ZCCHC4: variants seen among roughly 807,000 people sequenced by gnomAD.
ZCCHC4 encodes the protein rRNA N(6)-adenosine-methyltransferase ZCCHC4.
A neutral mutation model predicts 67.7 loss-of-function variants in ZCCHC4; 54 were observed. The observed-to-expected ratio is 0.80, with a 90% CI of 0.64 to 1.00. ZCCHC4 has a LOEUF of 1.00. ZCCHC4 is among the 50% of genes least tolerant of loss of function. The pLI is 0.00. For missense variants in ZCCHC4, 609 were observed against 617.0 expected, an observed-to-expected ratio of 0.99 and a Z score of 0.14; for synonymous variants, 198 against 213.5, an observed-to-expected ratio of 0.93 and a Z score of 0.63.
intron 3 of ZCCHC4, among the ~76,000 whole-genome samples, chr4:25,325,534 G>A (rs1942034450): frequency 6.6e-6 from 1 of 152,080 alleles, no homozygotes; most frequent in African/African-American, 2.4e-5. Flanking sequence ...AAAGTACTGG[G>A]ATTATAGGCG....
Position 25,314,182 on chromosome 4 carries a change from ATATT to A in ZCCHC4, c.246+24_246+27del. On this transcript the variant is annotated intron_variant, in intron 2 of 12. Coordinates refer to ENST00000302874, the MANE Select transcript of ZCCHC4 (RefSeq NM_024936.3). ...ATGAAAAGGTATATCAACTTTTTGG[ATATT>A]TATTTTTTATTTTTGGTATGTGTGA... 6.6e-7 allele frequency: 1 copy of A among 1,517,952 alleles called. No individual in the cohort carries two copies. The allele number at this position is 1,517,952 out of a possible 1,614,324, so 94.0% of individuals were successfully genotyped here. A position where few individuals can be genotyped will look rare whatever the true frequency, so the allele number is the denominator to read the frequency against.
At chr4:25,365,841 T>A (rs1720919245) in intron 12 of ZCCHC4, 3 of 985,410 alleles carry the variant, frequency 3.0e-6, no homozygotes, top group African/African-American at 1.7e-5. Context: ...AGAAAAACAT[T>A]GCTATTTTAA....
chr4:25,356,522 C>T (rs562591150), intron 8 of ZCCHC4, among the ~76,000 whole-genome samples: 2 of 151,890 alleles, frequency 1.3e-5, no homozygotes, highest in Admixed American at 1.3e-4. Flanking sequence ...CACATACATT[C>T]GCTGACTCCT....
chr4:25,319,328 C>T lies in ZCCHC4; in HGVS notation c.329+3928C>T, dbSNP rs1434887279. On this transcript the variant is annotated intron_variant, in intron 3 of 12. Transcript: ENST00000302874. Reference sequence around the variant, plus strand: ...TGAACCTGGGAGGCAGAGCTTGTAGCGAGCCGAGATTGCGCCACTGCACTC... The same window carrying T: ...TGAACCTGGGAGGCAGAGCTTGTAGTGAGCCGAGATTGCGCCACTGCACTC... Among the ~76,000 whole-genome samples the T allele has an allele frequency of 7.3e-5, 11 of 151,282 alleles. No homozygotes were observed. In the East Asian group the frequency reaches 7.8e-4, roughly 11 times the overall value.
chr4:25,361,468 C>T (rs556662589), intron 8 of ZCCHC4, among the ~76,000 whole-genome samples: 9 of 152,358 alleles, frequency 5.9e-5, no homozygotes, highest in Admixed American at 2.0e-4. Context: ...TATATAACCA[C>T]GCCATGTGAG....
rs571572037 is a variant in ZCCHC4 at position 25,361,642 on chromosome 4, T to G, written c.1012-217T>G. Reference sequence around the variant, plus strand: ...GCTCATGCCCAGAGAGAAAAAGCCATGTCGAAACTGTCTATGATCCTTGAG... The same window carrying G: ...GCTCATGCCCAGAGAGAAAAAGCCAGGTCGAAACTGTCTATGATCCTTGAG... On this transcript the variant is annotated intron_variant, in intron 8 of 12. Coordinates refer to ENST00000302874, the MANE Select transcript of ZCCHC4 (RefSeq NM_024936.3). The G allele has an allele frequency of 5.0e-4, 252 of 500,894 alleles. 8 individuals carry two copies. The South Asian group carries it at 7.5e-3, about 15-fold the overall frequency. 31.0% of individuals were successfully genotyped at this position (500,894 alleles called of 1,614,324 possible).
chr4:25,361,784 G>A (rs1352206443), intron 8 of ZCCHC4, 75 bp from the exon 9 acceptor site: 37 of 1,421,428 alleles, frequency 2.6e-5, no homozygotes, highest in Middle Eastern at 1.8e-4. Flanking sequence ...CAGTTTGTTC[G>A]TTTATTGGTT....
At chr4:25,341,396 T>C (rs1303146246) in intron 5 of ZCCHC4, among the ~76,000 whole-genome samples, 2 of 152,030 alleles carry the variant, frequency 1.3e-5, no homozygotes, top group South Asian at 4.1e-4. Flanking sequence ...AATAAGTGAG[T>C]TCTCATTTTA....
intron 11 of ZCCHC4, 91 bp downstream of exon 11, chr4:25,364,596 A>C (rs745488637): frequency 9.6e-6 from 11 of 1,143,884 alleles, no homozygotes; most frequent in African/African-American, 1.6e-5. Flanking sequence ...TTTATAAACG[A>C]AAAAATAATC....
chr4:25,358,829 G>T (rs971970992), intron 8 of ZCCHC4, among the ~76,000 whole-genome samples: 3 of 152,206 alleles, frequency 2.0e-5, no homozygotes, highest in Non-Finnish European at 4.4e-5. Flanking sequence ...CCCTGCTAAC[G>T]CTGTACATAT....
intron 3 of ZCCHC4, among the ~76,000 whole-genome samples, chr4:25,317,722 A>G (rs1718337766): frequency 7.2e-6 from 1 of 139,264 alleles, no homozygotes; most frequent in Non-Finnish European, 1.5e-5. Flanking sequence ...AAAAAAAAAA[A>G]AAAAGAAAGA....
At chr4:25,346,736 A>G (rs1045962878) in intron 6 of ZCCHC4, among the ~76,000 whole-genome samples, 2 of 152,222 alleles carry the variant, frequency 1.3e-5, no homozygotes, top group Non-Finnish European at 2.9e-5. Context: ...AGCAGTTATA[A>G]TTAGATGTAT....
intron 1 of ZCCHC4, among the ~76,000 whole-genome samples, chr4:25,313,745 A>AGTT (rs1473455861): frequency 4.2e-4 from 64 of 152,274 alleles, no homozygotes; most frequent in Non-Finnish European, 4.3e-4. Context: ...ACGCAACTGT[A>AGTT]GTCCCAGCTA....
chr4:25,329,278 A>G (rs1489867941), intron 3 of ZCCHC4, among the ~76,000 whole-genome samples: 2 of 151,938 alleles, frequency 1.3e-5, no homozygotes, highest in African/African-American at 4.8e-5. Context: ...AGCTTCCTGG[A>G]TCTTTTGATG....
chr4:25,318,201 A>C (rs533337139), intron 3 of ZCCHC4, among the ~76,000 whole-genome samples: 1 of 152,172 alleles, frequency 6.6e-6, no homozygotes, highest in East Asian at 1.9e-4. Context: ...TGTCCTTAAC[A>C]CTTTTATCTG....
At chr4:25,358,312 A>G (rs1054056861) in intron 8 of ZCCHC4, among the ~76,000 whole-genome samples, 1 of 152,174 alleles carries the variant, frequency 6.6e-6, no homozygotes, top group African/African-American at 2.4e-5. Context: ...CTTCACAGCA[A>G]CTTTAAGTAC....
chr4:25,365,600 G>A, intron 12 of ZCCHC4: 1 of 986,580 alleles, frequency 1.0e-6, no homozygotes, highest in Non-Finnish European at 1.2e-6. Context: ...TAGGAAAATT[G>A]TGAGAAAGCT....
rs749419607 is a variant in ZCCHC4 at position 25,345,532 on chromosome 4, T to C, written c.687-16T>C. The stretch of plus-strand genomic sequence containing the variant: ...ATAGCTGTGACTGGGCAAATAACTC[T>C]GTAATTATTTTACAGGTATTCACAG... On this transcript the variant is annotated splice_polypyrimidine_tract_variant and intron_variant, in intron 5 of 12. Coordinates refer to ENST00000302874, the MANE Select transcript of ZCCHC4 (RefSeq NM_024936.3). 2.4e-4 allele frequency: 334 copies of C among 1,366,826 alleles called. No homozygotes were observed. Among genetic ancestry groups the C allele is most frequent in the Non-Finnish European group, 3.3e-4 (316 of 961,346 alleles). The allele number at this position is 1,366,826 out of a possible 1,614,324, so 84.7% of individuals were successfully genotyped here. A position where few individuals can be genotyped will look rare whatever the true frequency, so the allele number is the denominator to read the frequency against.
intron 5 of ZCCHC4, among the ~76,000 whole-genome samples, chr4:25,342,816 C>T (rs1719818903): frequency 6.6e-6 from 1 of 152,190 alleles, no homozygotes; most frequent in Non-Finnish European, 1.5e-5. Flanking sequence ...ATTATGCTCT[C>T]AAATTATGTA....
Sources: gnomAD v4.1 joint callset for allele counts (sites outside exome capture counted in the v4.1 genomes callset) on GRCh38, gnomAD v4.1.1 for gene constraint, MANE v1.5 for transcripts, NCBI Gene and HGNC (gene_info 2026-07-23, HGNC 2026-07-21) for gene names.